The following SPAST variants were observed in gnomAD, a reference collection of about 807,000 sequenced individuals.
SPAST encodes the protein spastic paraplegia 4 (autosomal dominant; spastin).
In SPAST, 30 loss-of-function variants were observed where a neutral mutation model predicts 76.6. The observed-to-expected ratio is 0.39, with a 90% confidence interval of 0.29 to 0.53. The LOEUF (loss-of-function observed/expected upper bound fraction) is 0.53, where lower values mean the gene tolerates loss of function less well. Ranked by LOEUF, SPAST falls within the 20% of genes least tolerant of loss-of-function variation. The pLI is 0.68. For synonymous variants in SPAST, 305 were observed against 281.0 expected, an observed-to-expected ratio of 1.09 and a Z score of -0.86; for missense variants, 717 against 770.5, an observed-to-expected ratio of 0.93 and a Z score of 0.82.
At position 32,089,642 on chromosome 2, in the gene SPAST, G is replaced by A. The variant is rs745883831; in HGVS notation, c.586+37G>A. ...TGTATAATTTGATGTGGGATGTATT[G>A]GAAATGTGTGTTCAATGAAACTTTA... On this transcript the variant is annotated intron_variant, in intron 3 of 16. Coordinates refer to ENST00000315285, the MANE Select transcript of SPAST (RefSeq NM_014946.4). 4 of 1,025,040 alleles carry A rather than the reference G, an allele frequency of 3.9e-6. No individual in the cohort carries two copies. The South Asian group carries it at 5.1e-5, about 13-fold the overall frequency. 63.5% of individuals were successfully genotyped at this position (1,025,040 alleles called of 1,614,324 possible). A position where few individuals can be genotyped will look rare whatever the true frequency, so the allele number is the denominator to read the frequency against.
At chr2:32,126,671 G>T in intron 7 of SPAST, 1 of 238,500 alleles carries the variant, frequency 4.2e-6, no homozygotes, top group Non-Finnish European at 8.0e-6. Flanking sequence ...ATTTTTTGTA[G>T]AAGCAGAGTT....
intron 7 of SPAST, among the ~76,000 whole-genome samples, chr2:32,122,143 C>A (rs1461394217): frequency 6.6e-6 from 1 of 152,078 alleles, no homozygotes; most frequent in Non-Finnish European, 1.5e-5. Flanking sequence ...TGGGTTTCTC[C>A]AAATGGCTAT....
At chr2:32,113,759 G>T (rs938172612) in intron 4 of SPAST, among the ~76,000 whole-genome samples, 1 of 150,978 alleles carries the variant, frequency 6.6e-6, no homozygotes, top group Non-Finnish European at 1.5e-5. Flanking sequence ...CAGAGACGAG[G>T]TTTCACCATG....
In SPAST at chr2:32,083,747, ATACTATATATATATATAT is replaced by A. The variant is rs1558620071; in HGVS notation, c.416-3744_416-3727del. On this transcript the variant is annotated intron_variant, in intron 1 of 16. Transcript: ENST00000315285. Reference sequence around the variant, plus strand: ...TTATATATACTATATATATTTATATATACTATATATATATATATATATATATATATTTTTTTTTTTTTT... The same window carrying A: ...TTATATATACTATATATATTTATATAATATATATATATTTTTTTTTTTTTT... Among the ~76,000 whole-genome samples, 10 of 58,134 alleles carry A rather than the reference ATACTATATATATATATAT, an allele frequency of 1.7e-4. 1 individual carries two copies. Among genetic ancestry groups the A allele is most frequent in the African/African-American group, 6.7e-4 (10 of 14,932 alleles). The allele number at this position is 58,134 out of a possible 152,430, so 38.1% of individuals were successfully genotyped here.
chr2:32,129,267 TA>T (rs1679292444), intron 9 of SPAST: 1 of 151,586 alleles, frequency 6.6e-6, no homozygotes, highest in Non-Finnish European at 1.5e-5. Flanking sequence ...TTTTTTTTTT[TA>T]TAATAGAGAC....
intron 1 of SPAST, among the ~76,000 whole-genome samples, chr2:32,081,789 A>AAAAAAAAAAAAAAAAAAAAAAAAAAAG: frequency 6.7e-6 from 1 of 148,548 alleles, no homozygotes; most frequent in Non-Finnish European, 1.5e-5. Flanking sequence ...GTCAAAAAAA[A>AAAAAAAAAAAAAAAAAAAAAAAAAAAG]AAAAAAAAAA....
Position 32,122,510 on chromosome 2 carries a change from C to T in SPAST, c.1099-4438C>T, listed in dbSNP as rs188722800. Among the ~76,000 whole-genome samples the T allele has an allele frequency of 1.5e-4, 23 of 152,096 alleles. No individual in the cohort carries two copies. The East Asian group carries it at 2.0e-3, about 13-fold the overall frequency. The stretch of plus-strand genomic sequence containing the variant: ...CTAATTTTTGTATTTTTAGTAGAGA[C>T]GGGGTTTTGCCATGTTGACCAGTCT... On this transcript the variant is annotated intron_variant, in intron 7 of 16. Coordinates refer to ENST00000315285, the MANE Select transcript of SPAST (RefSeq NM_014946.4).
chr2:32,077,308 A>T lies in SPAST; in HGVS notation c.416-10184A>T, dbSNP rs78877496. ...GAGAATACTTAAGGATTAAATAGAT[A>T]AGTAAAACTGGTGGGCTTTATATAA... On this transcript the variant is annotated intron_variant, in intron 1 of 16. Coordinates refer to ENST00000315285, the MANE Select transcript of SPAST (RefSeq NM_014946.4). 2.0e-4 allele frequency among the ~76,000 whole-genome samples: 31 copies of T among 152,338 alleles called. No individual in the cohort carries two copies. In the East Asian group the frequency reaches 5.4e-3, roughly 27 times the overall value.
At chr2:32,141,046 G>A (rs192037935) in intron 12 of SPAST, among the ~76,000 whole-genome samples, 25 of 151,526 alleles carry the variant, frequency 1.6e-4, no homozygotes, top group African/African-American at 5.8e-4. Flanking sequence ...CCTAGTTTTG[G>A]AAGGATATTG....
chr2:32,068,258 G>T (rs534264951), intron 1 of SPAST, among the ~76,000 whole-genome samples: 1 of 151,712 alleles, frequency 6.6e-6, no homozygotes, highest in Non-Finnish European at 1.5e-5. Flanking sequence ...GATTACAGGC[G>T]TGAGCCACCG....
rs377236187 is a variant in SPAST, at chr2:32,071,951, G to C, written c.415+7705G>C. Among the ~76,000 whole-genome samples the C allele has an allele frequency of 1.1e-4, 17 of 152,292 alleles. 2 individuals carry two copies. The highest frequency in any genetic ancestry group is 4.1e-4 in the African/African-American group (17 of 41,568). On this transcript the variant is annotated intron_variant, in intron 1 of 16. Transcript: ENST00000315285. The stretch of plus-strand genomic sequence containing the variant: ...AAAGGGAAAGGATTCTCTACAGAAC[G>C]TAAATTTTCCCCACAAGAGAAAGCT...
chr2:32,090,262 C>A (rs192897580), intron 3 of SPAST, among the ~76,000 whole-genome samples: 1 of 152,172 alleles, frequency 6.6e-6, no homozygotes, highest in Non-Finnish European at 1.5e-5. Context: ...TTTCATGCTA[C>A]GGTGACAGAA....
chr2:32,146,662 C>T (rs1227986451), intron 15 of SPAST, among the ~76,000 whole-genome samples: 1 of 151,772 alleles, frequency 6.6e-6, no homozygotes, highest in Non-Finnish European at 1.5e-5. Context: ...GTCAGGAGTT[C>T]GAGACCAGCT....
chr2:32,084,417 G>A (rs1337201358), intron 1 of SPAST, among the ~76,000 whole-genome samples: 1 of 151,156 alleles, frequency 6.6e-6, no homozygotes, highest in African/African-American at 2.4e-5. Context: ...ACCCGTCTCG[G>A]CCTCCCAAAG....
chr2:32,152,774 G>C (rs1274786227), intron 16 of SPAST, among the ~76,000 whole-genome samples: 1 of 151,254 alleles, frequency 6.6e-6, no homozygotes, highest in Non-Finnish European at 1.5e-5. Context: ...TTGAGACAGG[G>C]TATCACTCTG....
intron 13 of SPAST, 22 bp downstream of exon 13, chr2:32,141,968 T>G: frequency 6.2e-7 from 1 of 1,604,292 alleles, no homozygotes; most frequent in Non-Finnish European, 8.5e-7. Flanking sequence ...TGTTTGAATT[T>G]TTTTTGTTTT....
rs201829595 is a variant in SPAST, at chr2:32,127,304, G to GA, written c.1173+283dup. ...GTCTAGGTTTTTTATTTTTGGCAGA[G>GA]ACAGGATTTCGCCATGTTGGCCAGG... On this transcript the variant is annotated intron_variant, in intron 8 of 16. Transcript: ENST00000315285. 6,452 of 401,012 alleles carry GA rather than the reference G, an allele frequency of 0.016. 97 individuals carry two copies. The highest frequency in any genetic ancestry group is 0.034 in the Middle Eastern group (42 of 1,244). 24.8% of individuals were successfully genotyped at this position (401,012 alleles called of 1,614,324 possible). A position where few individuals can be genotyped will look rare whatever the true frequency, so the allele number is the denominator to read the frequency against.
intron 4 of SPAST, among the ~76,000 whole-genome samples, chr2:32,104,623 A>C (rs1226115764): frequency 6.6e-6 from 1 of 152,116 alleles, no homozygotes. Context: ...TGCTTCCTTC[A>C]GGAGCTCCTG....
chr2:32,148,040 C>G (rs746461371), intron 16 of SPAST, among the ~76,000 whole-genome samples: 1 of 150,044 alleles, frequency 6.7e-6, no homozygotes, highest in Non-Finnish European at 1.5e-5. Context: ...TCAAGCAGTC[C>G]TCTTGTCTCA....
Sources: gnomAD v4.1 joint callset for allele counts (sites outside exome capture counted in the v4.1 genomes callset) on GRCh38, gnomAD v4.1.1 for gene constraint, MANE v1.5 for transcripts, NCBI Gene and HGNC (gene_info 2026-07-23, HGNC 2026-07-21) for gene names.